Variants in DENND1A observed in about 807,000 individuals in gnomAD.
The protein encoded by DENND1A is DENN domain-containing protein 1A.
A neutral mutation model predicts 113.7 loss-of-function variants in DENND1A; 51 were observed. That is an observed-to-expected ratio of 0.45 (90% CI 0.36 to 0.57). The LOEUF is 0.57. Ranked by LOEUF, DENND1A falls within the 20% of genes least tolerant of loss-of-function variation. The probability of loss-of-function intolerance (pLI) is 0.00; values close to 1 mark genes in which losing one functional copy is unlikely to be tolerated. For missense variants in DENND1A, 1,258 were observed against 1,395.9 expected, an observed-to-expected ratio of 0.90 and a Z score of 1.57; for synonymous variants, 565 against 570.8, an observed-to-expected ratio of 0.99 and a Z score of 0.14.
intron 1 of DENND1A, among the ~76,000 whole-genome samples, chr9:123,928,105 T>G (rs1454499341): frequency 2.6e-5 from 4 of 152,232 alleles, no homozygotes; most frequent in Admixed American, 6.5e-5. Context: ...TCACGCTTAA[T>G]ACAATTCCAT....
intron 5 of DENND1A, among the ~76,000 whole-genome samples, chr9:123,679,935 C>T (rs1340133559): frequency 6.6e-6 from 1 of 152,136 alleles, no homozygotes; most frequent in Non-Finnish European, 1.5e-5. Context: ...TGAGTCCCCA[C>T]TGCGGAGTAC....
intron 13 of DENND1A, among the ~76,000 whole-genome samples, chr9:123,462,535 G>A (rs1006686694): frequency 6.6e-6 from 1 of 152,198 alleles, no homozygotes; most frequent in Non-Finnish European, 1.5e-5. Flanking sequence ...GGTGGCTCAC[G>A]TCTGTAATCT....
chr9:123,610,725 T>A (rs1189922291), intron 10 of DENND1A, among the ~76,000 whole-genome samples: 3 of 152,146 alleles, frequency 2.0e-5, no homozygotes, highest in Non-Finnish European at 4.4e-5. Context: ...GGGCAGCTGG[T>A]AGAGTAGAGG....
intron 7 of DENND1A, 36 bp downstream of exon 7, chr9:123,671,255 C>A: frequency 1.2e-6 from 2 of 1,609,548 alleles, no homozygotes; most frequent in Middle Eastern, 1.8e-4. Context: ...TAATGAAATG[C>A]GTTTTCAGTG....
intron 13 of DENND1A, among the ~76,000 whole-genome samples, chr9:123,533,602 G>A (rs1012512336): frequency 1.1e-4 from 16 of 152,210 alleles, no homozygotes; most frequent in East Asian, 3.8e-4. Context: ...CAAGCACTGC[G>A]AACTGGAGGG....
chr9:123,877,806 G>C (rs983660670), intron 2 of DENND1A, among the ~76,000 whole-genome samples: 1 of 152,082 alleles, frequency 6.6e-6, no homozygotes, highest in Non-Finnish European at 1.5e-5. Context: ...TGGGTGACAA[G>C]AGAGCAATTC....
chr9:123,700,803 T>C (rs1207622681), intron 5 of DENND1A, among the ~76,000 whole-genome samples: 1 of 152,246 alleles, frequency 6.6e-6, no homozygotes, highest in African/African-American at 2.4e-5. Flanking sequence ...TTAACCATCA[T>C]AACATCTTGA....
chr9:123,490,324 G>A (rs914271366), intron 13 of DENND1A, among the ~76,000 whole-genome samples: 1 of 152,190 alleles, frequency 6.6e-6, no homozygotes, highest in African/African-American at 2.4e-5. Context: ...GGTGGCTCAC[G>A]CCTGTAATCC....
At chr9:123,716,072 T>A (rs960046144) in intron 5 of DENND1A, among the ~76,000 whole-genome samples, 1 of 152,202 alleles carries the variant, frequency 6.6e-6, no homozygotes, top group Non-Finnish European at 1.5e-5. Flanking sequence ...AGGATACATG[T>A]GATCTTGGCT....
chr9:123,732,099 A>G (rs972273885), intron 5 of DENND1A, among the ~76,000 whole-genome samples: 17 of 152,236 alleles, frequency 1.1e-4, no homozygotes, highest in African/African-American at 4.1e-4. Context: ...TGGGAATGCA[A>G]AATGATACAA....
chr9:123,592,630 G>C (rs1289196256), intron 11 of DENND1A, among the ~76,000 whole-genome samples: 2 of 152,180 alleles, frequency 1.3e-5, no homozygotes, highest in African/African-American at 4.8e-5. Flanking sequence ...TAAAAACTCA[G>C]CTAGCTGTAC....
chr9:123,448,718 G>A (rs139886371), intron 18 of DENND1A, among the ~76,000 whole-genome samples: 13 of 152,352 alleles, frequency 8.5e-5, no homozygotes, highest in African/African-American at 3.1e-4. Context: ...ACATTACAGA[G>A]CTTTTATTTC....
At chr9:123,401,427 C>A in intron 21 of DENND1A, 1 of 1,031,762 alleles carries the variant, frequency 9.7e-7, no homozygotes, top group Middle Eastern at 4.7e-4. Flanking sequence ...GGGAGAACAA[C>A]TTCCCCTTCC....
intron 13 of DENND1A, among the ~76,000 whole-genome samples, chr9:123,547,941 T>G (rs1308672546): frequency 6.6e-6 from 1 of 152,212 alleles, no homozygotes; most frequent in Middle Eastern, 3.2e-3. Context: ...ATGCTGGTGT[T>G]TGGTGCATAT....
intron 5 of DENND1A, among the ~76,000 whole-genome samples, chr9:123,712,943 C>T (rs942821473): frequency 6.6e-6 from 1 of 152,212 alleles, no homozygotes; most frequent in Non-Finnish European, 1.5e-5. Flanking sequence ...AGGCGAATGT[C>T]CCCCAAAGTA....
chr9:123,448,639 G>T (rs1318113196), intron 18 of DENND1A, among the ~76,000 whole-genome samples: 4 of 152,204 alleles, frequency 2.6e-5, no homozygotes, highest in African/African-American at 9.6e-5. Flanking sequence ...TAACATCCAA[G>T]TAAAGAATGC....
chr9:123,557,237 C>T (rs1366358627), intron 13 of DENND1A, among the ~76,000 whole-genome samples: 1 of 152,160 alleles, frequency 6.6e-6, no homozygotes, highest in Non-Finnish European at 1.5e-5. Flanking sequence ...AGCTGATCAC[C>T]GCTACTGCAC....
chr9:123,523,825 C>G (rs183173510), intron 13 of DENND1A, among the ~76,000 whole-genome samples: 50 of 152,300 alleles, frequency 3.3e-4, no homozygotes, highest in Non-Finnish European at 6.5e-4. Context: ...CCTCGGTCTG[C>G]TCTTTGAATC....
chr9:123,929,693 G>A (rs1356435493), intron 1 of DENND1A, among the ~76,000 whole-genome samples, 196 bp downstream of exon 1: 1 of 151,606 alleles, frequency 6.6e-6, no homozygotes, highest in Non-Finnish European at 1.5e-5. Flanking sequence ...CCGGCGCCCT[G>A]CCACCCCGCG....
Sources: allele counts gnomAD v4.1 joint callset (sites outside exome capture counted in the v4.1 genomes callset), GRCh38; gene constraint gnomAD v4.1.1; transcripts MANE v1.5; gene names NCBI Gene and HGNC (gene_info 2026-07-23, HGNC 2026-07-21).